TMEM163: variants seen among roughly 807,000 people sequenced by gnomAD.
TMEM163 encodes the protein transmembrane protein 163.
TMEM163 carries 17 observed loss-of-function variants against 29.3 expected under a neutral mutation model. The observed-to-expected ratio is 0.58, with a 90% CI of 0.40 to 0.87. The LOEUF (loss-of-function observed/expected upper bound fraction) is 0.87, where lower values mean the gene tolerates loss of function less well. Ranked by LOEUF, TMEM163 falls within the 40% of genes least tolerant of loss-of-function variation. The pLI, the probability that TMEM163 is intolerant of heterozygous loss-of-function variation, is 0.00. For synonymous variants in TMEM163, 157 were observed against 160.6 expected (o/e 0.98, Z 0.17); for missense variants, 303 against 381.5 (o/e 0.79, Z 1.71).
At chr2:134,535,283 C>G (rs531757523) in intron 4 of TMEM163, among the ~76,000 whole-genome samples, 1 of 152,292 alleles carries the variant, frequency 6.6e-6, no homozygotes, top group East Asian at 1.9e-4. Context: ...CACACACACA[C>G]AGAGCAAGCA....
intron 2 of TMEM163, among the ~76,000 whole-genome samples, chr2:134,618,009 A>T (rs150887857): frequency 3.9e-5 from 6 of 152,154 alleles, no homozygotes; most frequent in African/African-American, 1.4e-4. Flanking sequence ...AGCTGCTTAG[A>T]AGGCTGATGT....
chr2:134,650,508 TTTTGTTTGTTTG>T (rs368162173), intron 2 of TMEM163, among the ~76,000 whole-genome samples: 1 of 135,360 alleles, frequency 7.4e-6, no homozygotes, highest in Admixed American at 7.2e-5. Flanking sequence ...TATTTCTTTT[TTTTGTTTGTTTG>T]TTTGTTTGTT....
chr2:134,718,657 C>G, intron 1 of TMEM163, 77 bp downstream of exon 1: 2 of 1,057,090 alleles, frequency 1.9e-6, no homozygotes, highest in Non-Finnish European at 2.3e-6. Context: ...CCTCGCCCAG[C>G]GCGGCCCGCG....
At position 134,501,457 on chromosome 2, in the gene TMEM163, A is replaced by G. The variant is rs147241414; in HGVS notation, c.555+1444T>C. ...ATCACATGAGCCCTGCTGGAAATTA[A>G]TTTTTAATGCCAAATAAATGAATGT... On this transcript the variant is annotated intron_variant, in intron 5 of 7. Transcript: ENST00000281924. Among the ~76,000 whole-genome samples the G allele has an allele frequency of 5.3e-5, 8 of 152,342 alleles. 1 individual carries two copies. The highest frequency in any genetic ancestry group is 1.9e-4 in the African/African-American group (8 of 41,576).
At chr2:134,542,337 C>T (rs1033717931) in intron 4 of TMEM163, among the ~76,000 whole-genome samples, 3 of 152,172 alleles carry the variant, frequency 2.0e-5, no homozygotes, top group Non-Finnish European at 4.4e-5. Context: ...GAATAAATCA[C>T]GTGGAGTCAC....
chr2:134,556,250 C>T (rs902315933), intron 2 of TMEM163, among the ~76,000 whole-genome samples: 5 of 152,166 alleles, frequency 3.3e-5, no homozygotes, highest in Admixed American at 3.3e-4. Context: ...CCAATAATTT[C>T]CTTTGATTTG....
At chr2:134,595,866 G>A (rs1478500394) in intron 2 of TMEM163, among the ~76,000 whole-genome samples, 1 of 152,210 alleles carries the variant, frequency 6.6e-6, no homozygotes, top group Non-Finnish European at 1.5e-5. Context: ...CTGATGGCCA[G>A]TGATGATGAG....
Position 134,458,137 on chromosome 2 carries a change from G to A in TMEM163, c.704C>T (p.Ser235Phe), listed in dbSNP as rs2106470913. 6.2e-7 allele frequency: 1 copy of A among 1,614,150 alleles called. No homozygotes were observed. The highest frequency in any genetic ancestry group is 8.5e-7 in the Non-Finnish European group (1 of 1,180,020). ...GAACACTTCCGCGCTCAGAAGAATG[G>A]AGAAGCCCATCACGCCACCCACGAG... ...NSLVGGVMGFSILLSAEVFKH... is the reference protein window; with the variant it reads ...NSLVGGVMGFFILLSAEVFKH... The change falls in exon 7 of 8, where the codon TCC becomes TTC. Residue 235 changes from serine (S) to phenylalanine (F), a missense_variant. Ser to Phe is a radical substitution (Grantham distance 155). This residue lies in a region of TMEM163 where 203 missense variants were observed against 294.3 expected (regional missense o/e 0.69). Coordinates refer to ENST00000281924, the MANE Select transcript of TMEM163 (RefSeq NM_030923.5).
chr2:134,707,699 G>A (rs1356905063), intron 2 of TMEM163, among the ~76,000 whole-genome samples: 4 of 151,962 alleles, frequency 2.6e-5, no homozygotes, highest in African/African-American at 4.8e-5. Flanking sequence ...GGAAATTGGC[G>A]GTGTCATGGA....
At chr2:134,523,479 A>C (rs1680229932) in intron 4 of TMEM163, among the ~76,000 whole-genome samples, 1 of 152,206 alleles carries the variant, frequency 6.6e-6, no homozygotes, top group South Asian at 2.1e-4. Context: ...AAAATGCTTA[A>C]AAAGCTATTA....
intron 2 of TMEM163, among the ~76,000 whole-genome samples, chr2:134,557,542 G>A (rs927775853): frequency 2.6e-5 from 4 of 152,100 alleles, no homozygotes; most frequent in African/African-American, 9.7e-5. Context: ...CGTTCTGTTC[G>A]GAAAGCAGGA....
intron 2 of TMEM163, among the ~76,000 whole-genome samples, chr2:134,621,323 C>T (rs1045833524): frequency 7.9e-5 from 12 of 152,276 alleles, no homozygotes; most frequent in African/African-American, 2.4e-4. Flanking sequence ...CAGACAATAA[C>T]AAATGTTAGC....
At chr2:134,516,331 C>T (rs1027767520) in intron 4 of TMEM163, among the ~76,000 whole-genome samples, 13 of 152,118 alleles carry the variant, frequency 8.5e-5, no homozygotes, top group African/African-American at 1.4e-4. Flanking sequence ...GAGGCCGAGA[C>T]GGGCAGATCA....
chr2:134,655,061 G>A (rs1228382502), intron 2 of TMEM163, among the ~76,000 whole-genome samples: 1,609 of 117,230 alleles, frequency 0.014, 99 homozygotes, highest in African/African-American at 0.066. Flanking sequence ...TCTTTGTGGC[G>A]TTCTCTGTAT....
rs192911330 is a variant in TMEM163 at position 134,583,909 on chromosome 2, A to G, written c.323-31818T>C. ...ATAACTGCTATTCCTGTCCTCCTCC[A>G]TCCCCTTTCTGGCTTCATTTTTCTC... On this transcript the variant is annotated intron_variant, in intron 2 of 7. Transcript: ENST00000281924. Among the ~76,000 whole-genome samples, 9 of 152,174 alleles carry G rather than the reference A, an allele frequency of 5.9e-5. No homozygotes were observed. The East Asian group carries it at 1.7e-3, about 29-fold the overall frequency.
At chr2:134,690,748 T>C (rs536493135) in intron 2 of TMEM163, among the ~76,000 whole-genome samples, 1 of 152,352 alleles carries the variant, frequency 6.6e-6, no homozygotes, top group African/African-American at 2.4e-5. Context: ...TGGCTTTCTT[T>C]ACACAGCTAT....
chr2:134,688,857 A>G (rs561083742), intron 2 of TMEM163, among the ~76,000 whole-genome samples: 67 of 152,306 alleles, frequency 4.4e-4, no homozygotes, highest in Non-Finnish European at 8.1e-4. Context: ...TCCACTAGCC[A>G]CATGTAGGTA....
intron 2 of TMEM163, among the ~76,000 whole-genome samples, chr2:134,553,804 C>G (rs571017363): frequency 3.9e-5 from 6 of 152,158 alleles, no homozygotes; most frequent in Non-Finnish European, 7.3e-5. Context: ...TGTAAAGGGG[C>G]ACTGGCCCTT....
intron 2 of TMEM163, among the ~76,000 whole-genome samples, chr2:134,635,422 T>C (rs1056449736): frequency 2.0e-5 from 3 of 152,160 alleles, no homozygotes; most frequent in Admixed American, 6.5e-5. Context: ...TCCTTCTCTA[T>C]CCCTCTTCCA....
Sources: allele counts gnomAD v4.1 joint callset (sites outside exome capture counted in the v4.1 genomes callset), GRCh38; gene constraint gnomAD v4.1.1; regional missense constraint gnomAD v4.1.1; transcripts MANE v1.5; gene names NCBI Gene and HGNC (gene_info 2026-07-23, HGNC 2026-07-21).